The following MAJIN variants were observed in gnomAD, a reference collection of about 807,000 sequenced individuals.
MAJIN encodes the protein membrane-anchored junction protein.
In MAJIN, 27 loss-of-function variants were observed where a neutral mutation model predicts 30.2. That is an observed-to-expected ratio of 0.89 (90% CI 0.66 to 1.23). The LOEUF (loss-of-function observed/expected upper bound fraction) is 1.23. MAJIN is among the 50% of genes most tolerant of loss of function. The pLI is 0.00. For missense variants in MAJIN, 253 were observed against 260.3 expected, an observed-to-expected ratio of 0.97 and a Z score of 0.19; for synonymous variants, 78 against 91.6, an observed-to-expected ratio of 0.85 and a Z score of 0.85.
At chr11:64,941,060 G>A (rs944834942) in intron 8 of MAJIN, among the ~76,000 whole-genome samples, 3 of 151,634 alleles carry the variant, frequency 2.0e-5, no homozygotes, top group Non-Finnish European at 4.4e-5. Context: ...GGATGGTCTC[G>A]ATCTCCTGAC....
intron 3 of MAJIN, among the ~76,000 whole-genome samples, chr11:64,956,273 C>T (rs1945629939): frequency 6.6e-6 from 1 of 150,826 alleles, no homozygotes; most frequent in Non-Finnish European, 1.5e-5. Context: ...CACTCCAGCC[C>T]GGGCAACAAG....
intron 4 of MAJIN, among the ~76,000 whole-genome samples, chr11:64,951,490 C>T (rs780245215): frequency 8.5e-5 from 13 of 152,138 alleles, no homozygotes; most frequent in Admixed American, 5.2e-4. Flanking sequence ...CTGTGGCCAG[C>T]GCAGTGGCTC....
intron 7 of MAJIN, 88 bp downstream of exon 7, chr11:64,947,700 A>AGTT: frequency 7.0e-7 from 1 of 1,421,226 alleles, no homozygotes; most frequent in South Asian, 1.2e-5. Flanking sequence ...CTGAGGGCAA[A>AGTT]GTAAGGGGAA....
chr11:64,946,025 G>A, intron 8 of MAJIN: 2 of 1,412,996 alleles, frequency 1.4e-6, no homozygotes, highest in Non-Finnish European at 9.4e-7. Context: ...ACTTGTAACA[G>A]AACAGGAATA....
intron 4 of MAJIN, among the ~76,000 whole-genome samples, chr11:64,951,797 C>T (rs1227394395): frequency 1.4e-5 from 2 of 143,430 alleles, no homozygotes; most frequent in African/African-American, 5.0e-5. Flanking sequence ...GATATTGTGT[C>T]TTGTTTATCT....
intron 1 of MAJIN, among the ~76,000 whole-genome samples, chr11:64,967,724 C>T (rs1286861048): frequency 6.6e-6 from 1 of 152,160 alleles, no homozygotes; most frequent in Admixed American, 6.6e-5. Flanking sequence ...TCAGTCAGCA[C>T]ATATCTGAGA....
intron 9 of MAJIN, 42 bp downstream of exon 9, chr11:64,940,532 T>G: frequency 6.4e-7 from 1 of 1,572,234 alleles, no homozygotes; most frequent in Non-Finnish European, 8.8e-7. Flanking sequence ...AGGGAAAGGG[T>G]GATTATTAAA....
chr11:64,948,578 C>T (rs1157759809), intron 6 of MAJIN, among the ~76,000 whole-genome samples: 1 of 118,722 alleles, frequency 8.4e-6, no homozygotes, highest in East Asian at 2.6e-4. Context: ...TACAGGCATG[C>T]ACCACCACCA....
chr11:64,962,294 C>A (rs919351531), intron 1 of MAJIN, among the ~76,000 whole-genome samples: 1 of 152,144 alleles, frequency 6.6e-6, no homozygotes, highest in Non-Finnish European at 1.5e-5. Context: ...GCTGGCTGCC[C>A]GATTCAGAAA....
chr11:64,947,946 G>T, intron 6 of MAJIN, 127 bp from the exon 7 acceptor site: 3 of 803,004 alleles, frequency 3.7e-6, no homozygotes, highest in Non-Finnish European at 4.0e-6. Context: ...TGCAACCTCC[G>T]CCTCTTGAGT....
chr11:64,949,101 T>A (rs1945507793), intron 6 of MAJIN, among the ~76,000 whole-genome samples: 1 of 148,938 alleles, frequency 6.7e-6, no homozygotes, highest in African/African-American at 2.5e-5. Flanking sequence ...GGTGGGAGGA[T>A]CGCTTGAGCC....
intron 1 of MAJIN, among the ~76,000 whole-genome samples, chr11:64,965,111 G>A (rs1481642984): frequency 6.6e-6 from 1 of 152,188 alleles, no homozygotes; most frequent in African/African-American, 2.4e-5. Flanking sequence ...GGAACAGGAA[G>A]AGACTAATGA....
chr11:64,944,460 T>C (rs1945421200), intron 8 of MAJIN, among the ~76,000 whole-genome samples: 1 of 152,182 alleles, frequency 6.6e-6, no homozygotes, highest in African/African-American at 2.4e-5. Flanking sequence ...ATTTGTTGAA[T>C]GCATTCTGGG....
At chr11:64,951,018 C>T (rs181917518) in intron 4 of MAJIN, among the ~76,000 whole-genome samples, 31 of 152,306 alleles carry the variant, frequency 2.0e-4, no homozygotes, top group Non-Finnish European at 1.5e-4. Flanking sequence ...AGAAATCTTT[C>T]CCTGATTTAC....
intron 7 of MAJIN, 74 bp downstream of exon 7, chr11:64,947,714 G>T: frequency 1.3e-6 from 2 of 1,487,904 alleles, no homozygotes; most frequent in Non-Finnish European, 1.9e-6. Context: ...AGGGGAAGAG[G>T]CAAGAGCAGG....
intron 4 of MAJIN, among the ~76,000 whole-genome samples, chr11:64,951,432 C>T (rs2136762362): frequency 6.6e-6 from 1 of 152,274 alleles, no homozygotes; most frequent in East Asian, 1.9e-4. Flanking sequence ...CTTGTCATTT[C>T]ACCCTAAGCT....
intron 1 of MAJIN, among the ~76,000 whole-genome samples, chr11:64,961,786 C>G (rs1381104014): frequency 7.0e-6 from 1 of 142,708 alleles, no homozygotes; most frequent in East Asian, 2.0e-4. Context: ...CTTTTTTTTT[C>G]TTTTCTTTTT....
intron 10 of MAJIN, among the ~76,000 whole-genome samples, chr11:64,939,051 C>G (rs556330234): frequency 6.6e-6 from 1 of 152,130 alleles, no homozygotes; most frequent in African/African-American, 2.4e-5. Flanking sequence ...TGCCTCAGCA[C>G]CCCCAGTAGC....
intron 10 of MAJIN, 87 bp from the exon 11 acceptor site, chr11:64,938,660 G>C (rs1264644579): frequency 7.0e-7 from 1 of 1,421,690 alleles, no homozygotes; most frequent in African/African-American, 1.4e-5. Flanking sequence ...ACTAGCTAGG[G>C]CATTTTTGCT....
Sources: allele counts gnomAD v4.1 joint callset (sites outside exome capture counted in the v4.1 genomes callset), GRCh38; gene constraint gnomAD v4.1.1; transcripts MANE v1.5; gene names NCBI Gene and HGNC (gene_info 2026-07-23, HGNC 2026-07-21).